Variants in CHCHD3 observed in about 807,000 individuals in gnomAD.
CHCHD3 encodes the protein coiled-coil-helix-coiled-coil-helix domain containing 3.
Under a neutral mutation model 38.2 loss-of-function variants are expected in CHCHD3, and 20 were observed. The observed-to-expected ratio is 0.52, with a 90% CI of 0.37 to 0.76. CHCHD3 has a LOEUF of 0.76. Among genes scored for constraint, CHCHD3 ranks in the 30% least tolerant of loss-of-function variants. CHCHD3 has a pLI of 0.00. For missense variants in CHCHD3, 245 were observed against 279.2 expected (o/e 0.88, Z 0.87); for synonymous variants, 82 against 100.0 (o/e 0.82, Z 1.07).
intron 2 of CHCHD3, chr7:133,034,535 G>A (rs775713929): frequency 1.2e-5 from 2 of 163,746 alleles, no homozygotes; most frequent in Non-Finnish European, 2.2e-5. Context: ...TTTTTTCAAT[G>A]TTCAGTTTCC....
chr7:133,033,227 A>G (rs1444883312), intron 2 of CHCHD3, among the ~76,000 whole-genome samples: 1 of 152,198 alleles, frequency 6.6e-6, no homozygotes, highest in Non-Finnish European at 1.5e-5. Flanking sequence ...CTTTAAAACC[A>G]TGCAAAACAT....
chr7:132,785,635 T>C lies in CHCHD3; in HGVS notation c.*2A>G. 1 of 1,614,112 alleles carries C rather than the reference T, an allele frequency of 6.2e-7. No homozygotes were observed. Among genetic ancestry groups the C allele is most frequent in the Non-Finnish European group, 8.5e-7 (1 of 1,180,000 alleles). On this transcript the variant is annotated 3_prime_UTR_variant, in exon 8 of 8. Coordinates refer to ENST00000262570, the MANE Select transcript of CHCHD3 (RefSeq NM_017812.4). The stretch of plus-strand genomic sequence containing the variant: ...ATGGTGTTTTGCTCATTCTGAAAGT[T>C]TTTATCCTCCCTTCTCAAGCATGCT...
intron 3 of CHCHD3, among the ~76,000 whole-genome samples, chr7:133,002,755 C>G (rs140167648): frequency 2.0e-5 from 3 of 152,052 alleles, no homozygotes; most frequent in Admixed American, 6.6e-5. Context: ...ATCTATAGAA[C>G]CCTTACTAAA....
At chr7:132,973,982 C>T in intron 4 of CHCHD3, 1 of 1,287,580 alleles carries the variant, frequency 7.8e-7, no homozygotes, top group Non-Finnish European at 1.0e-6. Flanking sequence ...GGAGGCTAAG[C>T]AGTCAACACT....
intron 4 of CHCHD3, among the ~76,000 whole-genome samples, chr7:132,961,458 C>A (rs1585677668): frequency 6.6e-6 from 1 of 152,124 alleles, no homozygotes; most frequent in Non-Finnish European, 1.5e-5. Flanking sequence ...CCCAGTTTTA[C>A]TGGGGTGTAA....
At chr7:132,934,115 A>G (rs1221092827) in intron 4 of CHCHD3, among the ~76,000 whole-genome samples, 1 of 152,210 alleles carries the variant, frequency 6.6e-6, no homozygotes, top group East Asian at 1.9e-4. Flanking sequence ...AAGGCTGAGA[A>G]CCACTACTCA....
At chr7:133,033,938 C>T (rs572189543) in intron 2 of CHCHD3, among the ~76,000 whole-genome samples, 3 of 125,296 alleles carry the variant, frequency 2.4e-5, no homozygotes, top group South Asian at 4.8e-4. Flanking sequence ...GCAACCTAAA[C>T]ACTCCAGGTC....
At chr7:132,908,162 G>A (rs1809843148) in intron 4 of CHCHD3, among the ~76,000 whole-genome samples, 1 of 152,146 alleles carries the variant, frequency 6.6e-6, no homozygotes, top group Admixed American at 6.5e-5. Context: ...TGAGGTATTA[G>A]GAATTGTTTG....
intron 4 of CHCHD3, among the ~76,000 whole-genome samples, chr7:132,913,887 G>A (rs1810029649): frequency 6.6e-6 from 1 of 152,022 alleles, no homozygotes; most frequent in Non-Finnish European, 1.5e-5. Context: ...GGGTGCTTCG[G>A]AGCCAGGTAT....
chr7:133,039,903 A>C (rs1813784026), intron 2 of CHCHD3, among the ~76,000 whole-genome samples: 1 of 152,212 alleles, frequency 6.6e-6, no homozygotes, highest in Admixed American at 6.5e-5. Flanking sequence ...CCCATGACAC[A>C]GGCTCAAGGA....
chr7:132,898,188 C>A (rs891432433), intron 4 of CHCHD3, among the ~76,000 whole-genome samples: 3 of 152,154 alleles, frequency 2.0e-5, no homozygotes, highest in Admixed American at 6.5e-5. Context: ...TTGCAGAGAG[C>A]CAAAGAACAA....
intron 6 of CHCHD3, among the ~76,000 whole-genome samples, chr7:132,807,055 C>G (rs1211562606): frequency 6.6e-6 from 1 of 152,122 alleles, no homozygotes; most frequent in Non-Finnish European, 1.5e-5. Context: ...GGAAACCTCA[C>G]CAGCTGGGTC....
intron 5 of CHCHD3, among the ~76,000 whole-genome samples, chr7:132,880,071 C>T (rs147795410): frequency 7.9e-5 from 12 of 152,176 alleles, no homozygotes; most frequent in Non-Finnish European, 1.2e-4. Context: ...CAAATCATAA[C>T]GTCAGGACCC....
chr7:133,073,283 A>G lies in CHCHD3; in HGVS notation c.82-3054T>C, dbSNP rs536920132. ...CTTCCCCTCTCCTGCCTGCACTTCA[A>G]TGCTGAAGGGCCCTTCTCATTCTAT... On this transcript the variant is annotated intron_variant, in intron 1 of 7. Coordinates refer to ENST00000262570, the MANE Select transcript of CHCHD3 (RefSeq NM_017812.4). Among the ~76,000 whole-genome samples, 17 of 152,014 alleles carry G rather than the reference A, an allele frequency of 1.1e-4. No individual in the cohort carries two copies. The East Asian group carries it at 2.3e-3, about 21-fold the overall frequency.
chr7:133,078,764 C>T (rs558212359), intron 1 of CHCHD3, among the ~76,000 whole-genome samples: 1 of 152,314 alleles, frequency 6.6e-6, no homozygotes, highest in East Asian at 1.9e-4. Context: ...AGCTTTCCAG[C>T]AGTGACTGCC....
intron 1 of CHCHD3, among the ~76,000 whole-genome samples, chr7:133,080,306 T>G (rs750967199): frequency 6.6e-6 from 1 of 152,250 alleles, no homozygotes; most frequent in Non-Finnish European, 1.5e-5. Flanking sequence ...ATTTTTCCAT[T>G]TTAATAGAAT....
intron 2 of CHCHD3, among the ~76,000 whole-genome samples, chr7:133,068,517 A>G (rs986521949): frequency 2.6e-5 from 4 of 152,356 alleles, no homozygotes; most frequent in Middle Eastern, 3.4e-3. Flanking sequence ...TGTACCATGG[A>G]GAGCCACCAC....
At chr7:132,956,368 CAT>C (rs1423830543) in intron 4 of CHCHD3, among the ~76,000 whole-genome samples, 1 of 152,144 alleles carries the variant, frequency 6.6e-6, no homozygotes, top group Non-Finnish European at 1.5e-5. Context: ...CAATGCCTAG[CAT>C]ATAGTAGGCC....
chr7:132,913,803 C>T (rs979942330), intron 4 of CHCHD3, among the ~76,000 whole-genome samples: 3 of 152,154 alleles, frequency 2.0e-5, no homozygotes, highest in East Asian at 1.9e-4. Flanking sequence ...CTGACAATAA[C>T]GTGACACCAA....
Sources: allele counts gnomAD v4.1 joint callset (sites outside exome capture counted in the v4.1 genomes callset), GRCh38; gene constraint gnomAD v4.1.1; transcripts MANE v1.5; gene names NCBI Gene and HGNC (gene_info 2026-07-23, HGNC 2026-07-21).